MSI2: variants seen among roughly 807,000 people sequenced by gnomAD.
MSI2 encodes RNA-binding protein Musashi homolog 2.
MSI2 carries 17 observed loss-of-function variants against 45.6 expected under a neutral mutation model. The ratio of observed to expected loss-of-function variants is 0.37; its 90% CI spans 0.26 to 0.56. The LOEUF (loss-of-function observed/expected upper bound fraction) is 0.56. MSI2 is among the 20% of genes least tolerant of loss of function. The pLI is 0.77. For synonymous variants in MSI2, 156 were observed against 158.2 expected (o/e 0.99, Z 0.11); for missense variants, 293 against 444.2 (o/e 0.66, Z 3.06).
intron 5 of MSI2, among the ~76,000 whole-genome samples, chr17:57,358,648 G>A (rs752172464): frequency 1.3e-5 from 2 of 152,174 alleles, no homozygotes; most frequent in Non-Finnish European, 2.9e-5. Context: ...AAATGGCCCA[G>A]TGAGGTTAAA....
At chr17:57,633,214 CA>C in intron 10 of MSI2, 1 of 1,004,768 alleles carries the variant, frequency 1.0e-6, no homozygotes, top group Non-Finnish European at 1.2e-6. Flanking sequence ...CTTAGCCTGA[CA>C]GTGTCCTGTT....
At chr17:57,678,247 T>G (rs1913370874) in intron 13 of MSI2, among the ~76,000 whole-genome samples, 1 of 152,224 alleles carries the variant, frequency 6.6e-6, no homozygotes. Context: ...TCACCTCAAC[T>G]AACGCAACTG....
At chr17:57,286,150 G>C in intron 5 of MSI2, 1 of 562,392 alleles carries the variant, frequency 1.8e-6, no homozygotes, top group Non-Finnish European at 2.8e-6. Flanking sequence ...GGGATTTTGA[G>C]AGAATAATTT....
intron 5 of MSI2, among the ~76,000 whole-genome samples, chr17:57,396,600 G>C (rs1567799909): frequency 6.6e-6 from 1 of 152,226 alleles, no homozygotes. Context: ...GCTCTGGTTA[G>C]TACTGGCTTT....
At chr17:57,648,978 G>A (rs539632258) in intron 10 of MSI2, among the ~76,000 whole-genome samples, 1 of 152,136 alleles carries the variant, frequency 6.6e-6, no homozygotes, top group African/African-American at 2.4e-5. Context: ...TTTCCACCAG[G>A]GGCCTCCTGG....
chr17:57,496,189 G>A (rs987570848), intron 6 of MSI2, among the ~76,000 whole-genome samples: 1 of 152,154 alleles, frequency 6.6e-6, no homozygotes, highest in Non-Finnish European at 1.5e-5. Context: ...GTAGAAGTGC[G>A]GGAGGGCCAG....
chr17:57,374,226 A>G lies in MSI2; in HGVS notation c.313-27153A>G, dbSNP rs143184600. Among the ~76,000 whole-genome samples, 235 of 152,350 alleles carry G rather than the reference A, an allele frequency of 1.5e-3. 2 individuals are homozygous for G. The highest frequency in any genetic ancestry group is 5.3e-4 in the Non-Finnish European group (36 of 68,032). On this transcript the variant is annotated intron_variant, in intron 5 of 13. Coordinates refer to ENST00000284073, the MANE Select transcript of MSI2 (RefSeq NM_138962.4). Reference sequence around the variant, plus strand: ...ACTACATTGTACTGTTTTAGGATATATCATTTGAAGTCCTGTTGCATTTTT... The same window carrying G: ...ACTACATTGTACTGTTTTAGGATATGTCATTTGAAGTCCTGTTGCATTTTT...
rs1913645197 is a variant in MSI2, at chr17:57,682,172, T to C, written c.*2655T>C. 5.2e-6 allele frequency: 1 copy of C among 192,892 alleles called. No homozygotes were observed. The highest frequency in any genetic ancestry group is 1.1e-5 in the Non-Finnish European group (1 of 92,614). The allele number at this position is 192,892 out of a possible 1,614,324, so 11.9% of individuals were successfully genotyped here. ...ACTTTCTCTTATTTATGAAAAAAAATGCTAATAATTTTGGGGCAGTTTTTT... is the reference window on the plus strand; with the variant it reads ...ACTTTCTCTTATTTATGAAAAAAAACGCTAATAATTTTGGGGCAGTTTTTT... On this transcript the variant is annotated 3_prime_UTR_variant, in exon 14 of 14. Coordinates refer to ENST00000284073, the MANE Select transcript of MSI2 (RefSeq NM_138962.4).
In MSI2 at chr17:57,398,720, T is replaced by C. The variant is rs191423964; in HGVS notation, c.313-2659T>C. Among the ~76,000 whole-genome samples the C allele has an allele frequency of 1.1e-4, 17 of 152,348 alleles. No homozygotes were observed. In the East Asian group the frequency reaches 3.1e-3, roughly 28 times the overall value. ...ATTTACTCCTGATAGGAACCTTGTA[T>C]GGTAGGCTAATCATTATATCTTCAT... On this transcript the variant is annotated intron_variant, in intron 5 of 13. Transcript: ENST00000284073.
At position 57,489,264 on chromosome 17, in the gene MSI2, G is replaced by T. The variant is rs533487012; in HGVS notation, c.406-40412G>T. Among the ~76,000 whole-genome samples the T allele has an allele frequency of 8.5e-5, 13 of 152,292 alleles. No individual in the cohort carries two copies. The South Asian group carries it at 1.2e-3, about 15-fold the overall frequency. On this transcript the variant is annotated intron_variant, in intron 6 of 13. Transcript: ENST00000284073. ...TGAAAGATGCAGGGATGTGGTGTTG[G>T]CATTGGGGTCTGATGGAGCTTCTCA... is the stretch of plus-strand genomic sequence containing the variant.
chr17:57,296,771 GGTTAT>G (rs1374747301), intron 5 of MSI2, among the ~76,000 whole-genome samples: 1 of 152,126 alleles, frequency 6.6e-6, no homozygotes, highest in Non-Finnish European at 1.5e-5. Flanking sequence ...AATGCATCGT[GGTTAT>G]GTAAGAGATG....
intron 8 of MSI2, among the ~76,000 whole-genome samples, chr17:57,611,002 C>T (rs1907179974): frequency 1.1e-5 from 1 of 95,120 alleles, no homozygotes; most frequent in African/African-American, 3.3e-5. Flanking sequence ...GAGACCTGGT[C>T]CTTCTGGTAT....
chr17:57,587,849 CAG>C (rs760098774), intron 7 of MSI2, among the ~76,000 whole-genome samples: 1 of 152,156 alleles, frequency 6.6e-6, no homozygotes, highest in Non-Finnish European at 1.5e-5. Context: ...GTTTATCAAG[CAG>C]GGGGAGAAAT....
In MSI2 at chr17:57,490,285, C is replaced by T. The variant is rs181841869; in HGVS notation, c.406-39391C>T. 1.9e-4 allele frequency among the ~76,000 whole-genome samples: 29 copies of T among 152,320 alleles called. No individual in the cohort carries two copies. The East Asian group carries it at 2.1e-3, about 11-fold the overall frequency. On this transcript the variant is annotated intron_variant, in intron 6 of 13. Transcript: ENST00000284073. ...CCTTTTAGGCCCCACAGAGATCTCT[C>T]CTTTGTTCTCTTAAGTCTAATATGT... is the stretch of plus-strand genomic sequence containing the variant.
chr17:57,381,876 C>T (rs941695005), intron 5 of MSI2, among the ~76,000 whole-genome samples: 5 of 151,832 alleles, frequency 3.3e-5, no homozygotes, highest in Admixed American at 3.3e-4. Context: ...CATTCTTTGC[C>T]TATTTTCCAC....
At chr17:57,493,877 C>T (rs992431460) in intron 6 of MSI2, among the ~76,000 whole-genome samples, 2 of 152,064 alleles carry the variant, frequency 1.3e-5, no homozygotes, top group Non-Finnish European at 2.9e-5. Context: ...GTGAGGTAGG[C>T]GGAGCAGGGA....
At chr17:57,631,726 T>C in intron 10 of MSI2, 4 of 1,363,338 alleles carry the variant, frequency 2.9e-6, no homozygotes, top group South Asian at 1.2e-5. Flanking sequence ...TTCCTCTCTT[T>C]TCCCCACTCT....
At chr17:57,580,119 C>G (rs1038324258) in intron 7 of MSI2, among the ~76,000 whole-genome samples, 9 of 151,878 alleles carry the variant, frequency 5.9e-5, no homozygotes, top group Middle Eastern at 3.2e-3. Flanking sequence ...TCTGTTCCCA[C>G]TTGGGCCTAG....
intron 5 of MSI2, chr17:57,263,359 T>G (rs934683574): frequency 6.6e-6 from 1 of 152,220 alleles, no homozygotes; most frequent in Admixed American, 6.5e-5. Flanking sequence ...TCTTCAGGCA[T>G]TTTTTTGTAA....
Sources: allele counts gnomAD v4.1 joint callset (sites outside exome capture counted in the v4.1 genomes callset), GRCh38; gene constraint gnomAD v4.1.1; transcripts MANE v1.5; gene names NCBI Gene and HGNC (gene_info 2026-07-23, HGNC 2026-07-21).